Variants in ILRUN observed in about 807,000 individuals in gnomAD.
The protein encoded by ILRUN is protein ILRUN.
In ILRUN, 3 loss-of-function variants were observed where a neutral mutation model predicts 33.8. That is an observed-to-expected ratio of 0.09 (90% CI 0.04 to 0.23). The LOEUF is 0.23. ILRUN is among the 10% of genes least tolerant of loss of function. The pLI, the probability that ILRUN is intolerant of heterozygous loss-of-function variation, is 1.00. For synonymous variants in ILRUN, 124 were observed against 138.9 expected, an observed-to-expected ratio of 0.89 and a Z score of 0.75; for missense variants, 210 against 375.1, an observed-to-expected ratio of 0.56 and a Z score of 3.64.
chr6:34,598,490 C>G (rs1431209308), intron 4 of ILRUN, among the ~76,000 whole-genome samples: 1 of 152,172 alleles, frequency 6.6e-6, no homozygotes, highest in African/African-American at 2.4e-5. Context: ...TGAGAACTTT[C>G]ATCAGAAATT....
At chr6:34,607,411 T>C (rs1344259862) in intron 3 of ILRUN, among the ~76,000 whole-genome samples, 2 of 152,216 alleles carry the variant, frequency 1.3e-5, no homozygotes, top group Admixed American at 6.5e-5. Context: ...TATTAATAAT[T>C]ACGCCAGGAC....
In ILRUN at chr6:34,696,609, G is replaced by A. The variant is rs777313665; in HGVS notation, c.-6C>T. 1 of 1,597,972 alleles carries A rather than the reference G, an allele frequency of 6.3e-7. No homozygotes were observed. The highest frequency in any genetic ancestry group is 8.5e-7 in the Non-Finnish European group (1 of 1,174,712). ...TCTACGTCCATGCCCTCCATGGCGGGGACCGGACACCCGCTTCCCCGCCTC... is the reference window on the plus strand; with the variant it reads ...TCTACGTCCATGCCCTCCATGGCGGAGACCGGACACCCGCTTCCCCGCCTC... On this transcript the variant is annotated 5_prime_UTR_variant, in exon 1 of 5. Transcript: ENST00000374023.
At chr6:34,664,012 G>A (rs756596174) in intron 1 of ILRUN, among the ~76,000 whole-genome samples, 1 of 152,170 alleles carries the variant, frequency 6.6e-6, no homozygotes, top group Non-Finnish European at 1.5e-5. Flanking sequence ...TGAAGAAGGA[G>A]AAACAGGGCC....
intron 3 of ILRUN, among the ~76,000 whole-genome samples, chr6:34,620,476 T>C (rs1005400390): frequency 1.2e-4 from 19 of 152,174 alleles, no homozygotes; most frequent in Admixed American, 1.2e-3. Context: ...ACTATAACAA[T>C]GACAGCAAAT....
At chr6:34,678,489 G>A (rs1763286082) in intron 1 of ILRUN, among the ~76,000 whole-genome samples, 2 of 151,916 alleles carry the variant, frequency 1.3e-5, no homozygotes, top group Admixed American at 1.3e-4. Context: ...TATCCGATAG[G>A]GCTTCATTCT....
At chr6:34,680,755 A>G (rs1046382109) in intron 1 of ILRUN, among the ~76,000 whole-genome samples, 1 of 151,292 alleles carries the variant, frequency 6.6e-6, no homozygotes, top group Non-Finnish European at 1.5e-5. Context: ...TTATTTTTAT[A>G]TTTTTTTCTA....
chr6:34,683,520 A>G (rs745849794), intron 1 of ILRUN, among the ~76,000 whole-genome samples: 19,886 of 125,052 alleles, frequency 0.16, 2,402 homozygotes, highest in African/African-American at 0.3. Context: ...ATATACATAT[A>G]TATATATACA....
At chr6:34,670,366 T>G (rs1178149911) in intron 1 of ILRUN, among the ~76,000 whole-genome samples, 2 of 152,118 alleles carry the variant, frequency 1.3e-5, no homozygotes, top group Non-Finnish European at 2.9e-5. Context: ...ATGGATAAAC[T>G]TACTAAAAAT....
intron 3 of ILRUN, among the ~76,000 whole-genome samples, chr6:34,633,434 G>A (rs964440760): frequency 9.2e-5 from 14 of 152,110 alleles, no homozygotes; most frequent in Non-Finnish European, 2.1e-4. Flanking sequence ...TCAACCAACT[G>A]GATCGAACTG....
intron 1 of ILRUN, among the ~76,000 whole-genome samples, chr6:34,660,018 G>A (rs1443329471): frequency 6.6e-6 from 1 of 152,040 alleles, no homozygotes; most frequent in Non-Finnish European, 1.5e-5. Context: ...AAGAAAACCA[G>A]GCCAGGTGTG....
At chr6:34,672,257 C>T (rs887126261) in intron 1 of ILRUN, among the ~76,000 whole-genome samples, 1 of 152,072 alleles carries the variant, frequency 6.6e-6, no homozygotes, top group Non-Finnish European at 1.5e-5. Context: ...CCACACATGG[C>T]TAATTTTTGT....
intron 1 of ILRUN, among the ~76,000 whole-genome samples, chr6:34,672,887 G>A (rs1297145964): frequency 2.0e-5 from 3 of 152,022 alleles, no homozygotes; most frequent in Non-Finnish European, 4.4e-5. Flanking sequence ...CACCAAAGCT[G>A]AACAAAATAT....
intron 2 of ILRUN, among the ~76,000 whole-genome samples, chr6:34,650,102 A>G (rs985865866): frequency 5.1e-4 from 78 of 152,354 alleles, no homozygotes; most frequent in African/African-American, 1.8e-3. Flanking sequence ...TAGGGTTATC[A>G]TAACATGCAC....
chr6:34,600,160 T>C (rs957931918), intron 4 of ILRUN, among the ~76,000 whole-genome samples: 4 of 152,308 alleles, frequency 2.6e-5, no homozygotes, highest in African/African-American at 4.8e-5. Context: ...CACCCCTCTA[T>C]TGAAAACCTT....
At chr6:34,593,597 T>C (rs1761338328) in intron 4 of ILRUN, among the ~76,000 whole-genome samples, 1 of 152,236 alleles carries the variant, frequency 6.6e-6, no homozygotes, top group Admixed American at 6.5e-5. Flanking sequence ...TTACTGATGT[T>C]CCATGCCTTT....
chr6:34,657,547 A>G (rs1407075006), intron 1 of ILRUN, among the ~76,000 whole-genome samples: 2 of 152,174 alleles, frequency 1.3e-5, no homozygotes, highest in African/African-American at 2.4e-5. Flanking sequence ...TAAACCCCAA[A>G]CTGAAACTGA....
intron 1 of ILRUN, among the ~76,000 whole-genome samples, chr6:34,692,517 C>A (rs544411264): frequency 2.6e-5 from 4 of 152,086 alleles, no homozygotes; most frequent in African/African-American, 9.7e-5. Context: ...TAGAACAACA[C>A]GTCTAGACTT....
intron 3 of ILRUN, among the ~76,000 whole-genome samples, chr6:34,638,577 T>G (rs545273560): frequency 7.1e-4 from 108 of 151,932 alleles, no homozygotes; most frequent in African/African-American, 2.6e-3. Context: ...CAAAAACCCA[T>G]GCCTGTGGTC....
intron 1 of ILRUN, among the ~76,000 whole-genome samples, chr6:34,668,826 A>C (rs1268428060): frequency 6.6e-6 from 1 of 151,176 alleles, no homozygotes; most frequent in Non-Finnish European, 1.5e-5. Flanking sequence ...ATTTAAAAAA[A>C]TTAATGCCTG....
Sources: gnomAD v4.1 joint callset for allele counts (sites outside exome capture counted in the v4.1 genomes callset) on GRCh38, gnomAD v4.1.1 for gene constraint, MANE v1.5 for transcripts, NCBI Gene and HGNC (gene_info 2026-07-23, HGNC 2026-07-21) for gene names.